PCDH7: variants seen among roughly 807,000 people sequenced by gnomAD.
The protein encoded by PCDH7 is protocadherin 7.
A neutral mutation model predicts 58.9 loss-of-function variants in PCDH7; 17 were observed. The observed-to-expected ratio is 0.29, with a 90% confidence interval of 0.20 to 0.43. The LOEUF is 0.43. Among genes scored for constraint, PCDH7 ranks in the 20% least tolerant of loss-of-function variants. The probability of loss-of-function intolerance (pLI) is 1.00; values close to 1 mark genes in which losing one functional copy is unlikely to be tolerated. For synonymous variants in PCDH7, 664 were observed against 616.4 expected, an observed-to-expected ratio of 1.08 and a Z score of -1.14; for missense variants, 1,274 against 1,441.0, an observed-to-expected ratio of 0.88 and a Z score of 1.88.
At chr4:30,834,659 G>T (rs553042056) in intron 1 of PCDH7, among the ~76,000 whole-genome samples, 1 of 147,796 alleles carries the variant, frequency 6.8e-6, no homozygotes, top group South Asian at 2.1e-4. Flanking sequence ...TAATAGAGAT[G>T]AAAGTAAAAA....
chr4:31,111,234 A>T (rs1716267071), intron 3 of PCDH7, among the ~76,000 whole-genome samples: 1 of 105,062 alleles, frequency 9.5e-6, no homozygotes, highest in Non-Finnish European at 1.8e-5. Flanking sequence ...TGGCAGTTAA[A>T]AATAAGATTA....
At chr4:30,777,746 TATTA>T (rs975224749) in intron 1 of PCDH7, among the ~76,000 whole-genome samples, 1 of 152,206 alleles carries the variant, frequency 6.6e-6, no homozygotes, top group Non-Finnish European at 1.5e-5. Context: ...ACGTTACATT[TATTA>T]ATTCTATGTT....
At chr4:30,963,066 A>T (rs1748622086) in intron 3 of PCDH7, among the ~76,000 whole-genome samples, 1 of 152,146 alleles carries the variant, frequency 6.6e-6, no homozygotes, top group Non-Finnish European at 1.5e-5. Flanking sequence ...AAGACAGAAG[A>T]GGTATGCCAT....
At chr4:31,051,511 G>A (rs764410619) in intron 3 of PCDH7, among the ~76,000 whole-genome samples, 2 of 152,128 alleles carry the variant, frequency 1.3e-5, no homozygotes, top group Non-Finnish European at 2.9e-5. Context: ...TTATATGTAG[G>A]TTTTTAAAAA....
At chr4:31,010,011 C>A (rs1753052868) in intron 3 of PCDH7, among the ~76,000 whole-genome samples, 1 of 151,882 alleles carries the variant, frequency 6.6e-6, no homozygotes, top group Admixed American at 6.6e-5. Flanking sequence ...AAATGTGTTC[C>A]CTACTGAATC....
At chr4:31,007,811 G>C (rs1263248544) in intron 3 of PCDH7, among the ~76,000 whole-genome samples, 1 of 152,064 alleles carries the variant, frequency 6.6e-6, no homozygotes, top group Non-Finnish European at 1.5e-5. Context: ...AGTAGCTTTA[G>C]TATATGACCT....
chr4:31,047,398 A>G (rs887673410), intron 3 of PCDH7, among the ~76,000 whole-genome samples: 3 of 152,052 alleles, frequency 2.0e-5, no homozygotes, highest in Non-Finnish European at 4.4e-5. Context: ...TTTTAAATTC[A>G]GGAATCATAA....
intron 1 of PCDH7, among the ~76,000 whole-genome samples, chr4:30,873,882 A>C (rs1735937975): frequency 6.6e-6 from 1 of 151,974 alleles, no homozygotes; most frequent in Admixed American, 6.6e-5. Flanking sequence ...TTAAGGACTA[A>C]AAGTCTGAAT....
At chr4:31,132,440 T>C (rs986456091) in intron 3 of PCDH7, among the ~76,000 whole-genome samples, 3 of 152,090 alleles carry the variant, frequency 2.0e-5, no homozygotes, top group Admixed American at 6.6e-5. Context: ...CTGAAGGCAA[T>C]ATTAATATTT....
chr4:31,122,721 A>G (rs1018644537), intron 3 of PCDH7, among the ~76,000 whole-genome samples: 3 of 151,918 alleles, frequency 2.0e-5, no homozygotes, highest in Admixed American at 1.3e-4. Flanking sequence ...CCTTCTTTTA[A>G]TGTCCCTTTT....
intron 1 of PCDH7, among the ~76,000 whole-genome samples, chr4:30,777,293 G>C (rs1722195023): frequency 6.6e-6 from 1 of 152,112 alleles, no homozygotes; most frequent in African/African-American, 2.4e-5. Flanking sequence ...ATCACTAATT[G>C]AAACTCTTAA....
At chr4:30,812,516 A>G (rs1177371860) in intron 1 of PCDH7, among the ~76,000 whole-genome samples, 2 of 152,140 alleles carry the variant, frequency 1.3e-5, no homozygotes, top group Non-Finnish European at 2.9e-5. Flanking sequence ...TCTAGAATAA[A>G]CTCCAAATCC....
intron 3 of PCDH7, among the ~76,000 whole-genome samples, chr4:31,028,513 C>T (rs1754630790): frequency 1.3e-5 from 2 of 151,936 alleles, no homozygotes; most frequent in South Asian, 4.2e-4. Flanking sequence ...AAAAATTCAC[C>T]AGTCATGGTG....
At chr4:30,829,482 T>G (rs1229337983) in intron 1 of PCDH7, among the ~76,000 whole-genome samples, 1 of 152,024 alleles carries the variant, frequency 6.6e-6, no homozygotes, top group Non-Finnish European at 1.5e-5. Context: ...AGGGAAAATC[T>G]CTGTTAATGA....
chr4:31,013,590 T>TGTAC (rs1358326304), intron 3 of PCDH7, among the ~76,000 whole-genome samples: 1 of 110,688 alleles, frequency 9.0e-6, no homozygotes, highest in Admixed American at 9.4e-5. Flanking sequence ...ATATATATTT[T>TGTAC]ATACACACAC....
At chr4:30,763,705 G>A (rs1321140337) in intron 1 of PCDH7, among the ~76,000 whole-genome samples, 2 of 152,114 alleles carry the variant, frequency 1.3e-5, no homozygotes, top group Non-Finnish European at 2.9e-5. Flanking sequence ...TGATGAAATA[G>A]GGTCTCAATA....
chr4:30,928,725 A>G (rs1477429832), intron 2 of PCDH7, among the ~76,000 whole-genome samples: 1 of 152,222 alleles, frequency 6.6e-6, no homozygotes, highest in Non-Finnish European at 1.5e-5. Flanking sequence ...TTGGACAGGA[A>G]GAAGGCCATG....
intron 3 of PCDH7, among the ~76,000 whole-genome samples, chr4:30,979,095 G>A (rs890432907): frequency 2.0e-5 from 3 of 151,968 alleles, no homozygotes; most frequent in African/African-American, 7.3e-5. Context: ...GGGGGGCCGA[G>A]GCAGGCAGAT....
rs188100367 is a variant in PCDH7 at position 30,993,210 on chromosome 4, G to T, written c.*7+42995G>T. Among the ~76,000 whole-genome samples, 109 of 152,248 alleles carry T rather than the reference G, an allele frequency of 7.2e-4. 1 individual carries two copies. Among genetic ancestry groups the T allele is most frequent in the African/African-American group, 2.5e-3 (104 of 41,538 alleles). On this transcript the variant is annotated intron_variant, in intron 3 of 3. Coordinates refer to the PCDH7 transcript ENST00000509759. Reference sequence around the variant, plus strand: ...TGTGTGTAAAGTTGGGGGAGCTAAGGTATATGCCTACCTATGGCTCTTCCA... The same window carrying T: ...TGTGTGTAAAGTTGGGGGAGCTAAGTTATATGCCTACCTATGGCTCTTCCA...
Sources: allele counts gnomAD v4.1 joint callset (sites outside exome capture counted in the v4.1 genomes callset), GRCh38; gene constraint gnomAD v4.1.1; transcripts MANE v1.5; gene names NCBI Gene and HGNC (gene_info 2026-07-23, HGNC 2026-07-21).